PCSK5: variants seen among roughly 807,000 people sequenced by gnomAD.
The protein encoded by PCSK5 is proprotein convertase subtilisin/kexin type 5.
A neutral mutation model predicts 233.2 loss-of-function variants in PCSK5; 129 were observed. The ratio of observed to expected loss-of-function variants is 0.55; its 90% CI spans 0.48 to 0.64. The LOEUF is 0.64. Ranked by LOEUF, PCSK5 falls within the 30% of genes least tolerant of loss-of-function variation. The probability of loss-of-function intolerance (pLI) is 0.00; values close to 1 mark genes in which losing one functional copy is unlikely to be tolerated. For missense variants in PCSK5, 2,076 were observed against 2,430.1 expected (o/e 0.85, Z 3.06); for synonymous variants, 825 against 879.2 (o/e 0.94, Z 1.09).
At chr9:75,970,595 T>G (rs1362563639) in intron 2 of PCSK5, among the ~76,000 whole-genome samples, 1 of 152,098 alleles carries the variant, frequency 6.6e-6, no homozygotes, top group African/African-American at 2.4e-5. Flanking sequence ...TCTCTGCTAT[T>G]TTCTTTCTTT....
At chr9:76,107,943 G>A (rs1323666078) in intron 9 of PCSK5, among the ~76,000 whole-genome samples, 1 of 152,078 alleles carries the variant, frequency 6.6e-6, no homozygotes, top group African/African-American at 2.4e-5. Flanking sequence ...TTGCCTTAAC[G>A]TTTTGAAAAC....
chr9:76,108,943 C>T (rs1240648227), intron 9 of PCSK5, among the ~76,000 whole-genome samples: 1 of 152,166 alleles, frequency 6.6e-6, no homozygotes, highest in Non-Finnish European at 1.5e-5. Context: ...GGATATGGTG[C>T]CCTGTCTCTG....
Position 76,175,045 on chromosome 9 carries a change from A to G in PCSK5, c.1816A>G (p.Thr606Ala). 1 of 1,614,066 alleles carries G rather than the reference A, an allele frequency of 6.2e-7. No individual in the cohort carries two copies. Among genetic ancestry groups the G allele is most frequent in the Non-Finnish European group, 8.5e-7 (1 of 1,179,906 alleles). ...CACCTCCGTGCAGCCATATTCACCA[A>G]CCAATGAATTTCCGAAAGTGGAACG... ...YGTSVQPYSP[T>A]NEFPKVERFR... Residue 606 changes from threonine (T) to alanine (A), a missense_variant, in exon 14 of 38, where the codon ACC becomes GCC. Around this residue, in one of 6 missense-constraint regions of PCSK5, gnomAD observed 84 missense variants for 108.8 expected, o/e 0.77. Coordinates refer to ENST00000674117, the MANE Select transcript of PCSK5 (RefSeq NM_001372043.1).
chr9:76,064,829 C>G (rs946490849), intron 5 of PCSK5, among the ~76,000 whole-genome samples: 1 of 151,938 alleles, frequency 6.6e-6, no homozygotes, highest in Admixed American at 6.5e-5. Flanking sequence ...CGGGCAGAGA[C>G]GCTCCTCACT....
At chr9:75,896,901 G>C (rs1043266662) in intron 1 of PCSK5, among the ~76,000 whole-genome samples, 1 of 152,058 alleles carries the variant, frequency 6.6e-6, no homozygotes, top group African/African-American at 2.4e-5. Flanking sequence ...CTACATCAAA[G>C]GGTACCAAGG....
At chr9:76,278,781 C>T (rs935652671) in intron 24 of PCSK5, among the ~76,000 whole-genome samples, 8 of 152,072 alleles carry the variant, frequency 5.3e-5, no homozygotes, top group African/African-American at 1.2e-4. Context: ...TTTACATAGC[C>T]TATCATGAAA....
intron 20 of PCSK5, among the ~76,000 whole-genome samples, chr9:76,212,912 T>C (rs539609466): frequency 4.3e-4 from 66 of 152,304 alleles, no homozygotes; most frequent in African/African-American, 1.5e-3. Flanking sequence ...GGAATATGGA[T>C]CTGGCTTTCC....
At chr9:76,326,483 T>C (rs1829362355) in intron 32 of PCSK5, among the ~76,000 whole-genome samples, 1 of 152,168 alleles carries the variant, frequency 6.6e-6, no homozygotes, top group Admixed American at 6.6e-5. Flanking sequence ...TAATAGATAG[T>C]ACAGACACCT....
At chr9:75,995,740 TTCATACACACACACAC>T (rs1469049114) in intron 3 of PCSK5, among the ~76,000 whole-genome samples, 1 of 72,162 alleles carries the variant, frequency 1.4e-5, no homozygotes, top group African/African-American at 5.7e-5. Context: ...ACAGGATTCA[TTCATACACACACACAC>T]ACACACACAC....
intron 8 of PCSK5, among the ~76,000 whole-genome samples, chr9:76,097,485 G>C (rs1202359062): frequency 3.3e-5 from 5 of 152,180 alleles, no homozygotes. Flanking sequence ...CACAAAGTCT[G>C]CTGGATGAAG....
intron 5 of PCSK5, among the ~76,000 whole-genome samples, chr9:76,034,142 C>A (rs1828758424): frequency 6.6e-6 from 1 of 152,108 alleles, no homozygotes; most frequent in Non-Finnish European, 1.5e-5. Flanking sequence ...AGCCTTCTTT[C>A]ACCCCAGAAG....
chr9:76,216,989 C>T (rs1031192365), intron 20 of PCSK5, among the ~76,000 whole-genome samples: 8 of 152,012 alleles, frequency 5.3e-5, no homozygotes, highest in East Asian at 1.9e-4. Context: ...TACAGGCATG[C>T]GCCACCACTC....
intron 24 of PCSK5, among the ~76,000 whole-genome samples, chr9:76,260,333 A>C (rs1290468790): frequency 1.3e-5 from 2 of 152,212 alleles, no homozygotes; most frequent in East Asian, 1.9e-4. Context: ...CTACACAGCA[A>C]GAGGACTTTG....
rs576358801 is a variant in PCSK5, at chr9:76,202,680, G to A, written c.2626+12934G>A. Among the ~76,000 whole-genome samples the A allele has an allele frequency of 3.3e-5, 5 of 151,482 alleles. No homozygotes were observed. In the South Asian group the frequency reaches 6.3e-4, roughly 19 times the overall value. ...TGTTATCTCACCCGAATCATCTATC[G>A]TCTGGGCCTCAGTTTAAATGTCACC... is the stretch of plus-strand genomic sequence containing the variant. On this transcript the variant is annotated intron_variant, in intron 20 of 37. Transcript: ENST00000674117.
At chr9:76,168,870 A>T (rs13289256) in intron 12 of PCSK5, among the ~76,000 whole-genome samples, 31,053 of 151,598 alleles carry the variant, frequency 0.2, 3,411 homozygotes, top group Non-Finnish European at 0.22. Flanking sequence ...TCTTTTCCTC[A>T]CTCCTCCCCA....
intron 20 of PCSK5, among the ~76,000 whole-genome samples, chr9:76,205,733 T>C (rs1825091962): frequency 6.6e-6 from 1 of 152,104 alleles, no homozygotes; most frequent in Non-Finnish European, 1.5e-5. Flanking sequence ...AATTCAGAAA[T>C]AAAATACAGA....
chr9:76,071,380 T>C (rs148286514), intron 6 of PCSK5, among the ~76,000 whole-genome samples: 23 of 152,238 alleles, frequency 1.5e-4, no homozygotes, highest in African/African-American at 5.3e-4. Context: ...AGTTATTCAA[T>C]AAAGAGTTTA....
At chr9:76,117,837 GA>G (rs1007364559) in intron 9 of PCSK5, among the ~76,000 whole-genome samples, 34 of 152,088 alleles carry the variant, frequency 2.2e-4, no homozygotes, top group Admixed American at 1.1e-3. Flanking sequence ...TGGTACGAAG[GA>G]AGAGAATTCT....
At chr9:76,029,191 A>G (rs1563982165) in intron 5 of PCSK5, among the ~76,000 whole-genome samples, 1 of 152,104 alleles carries the variant, frequency 6.6e-6, no homozygotes, top group Non-Finnish European at 1.5e-5. Context: ...TTTCATGACA[A>G]AGATGTTAGT....
Sources: allele counts gnomAD v4.1 joint callset (sites outside exome capture counted in the v4.1 genomes callset), GRCh38; gene constraint gnomAD v4.1.1; regional missense constraint gnomAD v4.1.1; transcripts MANE v1.5; gene names NCBI Gene and HGNC (gene_info 2026-07-23, HGNC 2026-07-21).